Variants in SHPRH observed in about 807,000 individuals in gnomAD.
SHPRH encodes SNF2 histone linker PHD RING helicase.
SHPRH carries 106 observed loss-of-function variants against 202.5 expected under a neutral mutation model. That is an observed-to-expected ratio of 0.52 (90% confidence interval 0.45 to 0.62). The LOEUF is 0.62. Among genes scored for constraint, SHPRH ranks in the 20% least tolerant of loss-of-function variants. The pLI is 0.00. For synonymous variants in SHPRH, 729 were observed against 686.0 expected (o/e 1.06, Z -0.98); for missense variants, 1,710 against 2,020.0 (o/e 0.85, Z 2.94).
At chr6:145,923,818 C>A in intron 17 of SHPRH, 33 bp from the exon 18 acceptor site, 4 of 1,596,020 alleles carry the variant, frequency 2.5e-6, no homozygotes, top group African/African-American at 1.3e-5. Flanking sequence ...TCAATTAATA[C>A]ATTTTTTTTA....
At position 145,922,836 on chromosome 6, in the gene SHPRH, C is replaced by T. The variant is rs1270576171; in HGVS notation, c.3546G>A (p.Lys1182=). The T allele has an allele frequency of 1.2e-6, 2 of 1,607,126 alleles. No individual in the cohort carries two copies. The highest frequency in any genetic ancestry group is 1.7e-6 in the Non-Finnish European group (2 of 1,176,472). ...ACTGAAGACCTCTGCAATCACGGAA[C>T]CTGATTCCCACACCAGCACCACACA... is the stretch of plus-strand genomic sequence containing the variant. The part of the protein sequence containing the change: ...QQTGKLSMSE[K]FRDCRGLQFL... The change falls in exon 19 of 30, where the codon AAG becomes AAA. Residue 1182 remains lysine, a splice_region_variant and synonymous_variant. Transcript: ENST00000275233.
chr6:145,862,388 A>G (rs1779608989), downstream of SHPRH, among the ~76,000 whole-genome samples: 1 of 152,126 alleles, frequency 6.6e-6, no homozygotes, highest in Admixed American at 6.5e-5. Flanking sequence ...CGGGAGGCGG[A>G]GCTTGCAGTG....
rs1394116951 is a variant in SHPRH, at chr6:145,943,386, T to A, written c.1995A>T (p.Glu665Asp). Residue 665 changes from glutamate to aspartate, a missense_variant, in exon 9 of 30, where the codon GAA becomes GAT. Around this residue, in one of 8 missense-constraint regions of SHPRH, gnomAD observed 348 missense variants for 356.9 expected, o/e 0.97. Transcript: ENST00000275233. ...GAGGCTTACGATCTATCTGATCAAG[T>A]TCACCACATATACACTCAAAGCGGT... ...SDYRFECICG[E>D]LDQIDRKPRV... 6.2e-7 allele frequency: 1 copy of A among 1,614,076 alleles called. No individual in the cohort carries two copies. Among genetic ancestry groups the A allele is most frequent in the Non-Finnish European group, 8.5e-7 (1 of 1,179,964 alleles).
intron 2 of SHPRH, among the ~76,000 whole-genome samples, chr6:145,871,757 G>C (rs1461321736): frequency 6.6e-6 from 1 of 152,138 alleles, no homozygotes; most frequent in Non-Finnish European, 1.5e-5. Context: ...TTAGCAAAAA[G>C]AACAAAGGTG....
intron 17 of SHPRH, 116 bp from the exon 18 acceptor site, chr6:145,923,901 A>G (rs1334203175): frequency 4.9e-6 from 5 of 1,027,776 alleles, no homozygotes; most frequent in African/African-American, 3.2e-5. Context: ...CTATTCTCAA[A>G]GGGACTATCA....
intron 2 of SHPRH, among the ~76,000 whole-genome samples, chr6:145,879,271 A>G (rs1780442685): frequency 6.6e-6 from 1 of 151,610 alleles, no homozygotes; most frequent in African/African-American, 2.4e-5. Flanking sequence ...CATTTTAAAA[A>G]AGAAATAGTT....
At chr6:145,927,390 CT>C in intron 14 of SHPRH, 113 bp from the exon 15 acceptor site, 5 of 997,270 alleles carry the variant, frequency 5.0e-6, no homozygotes, top group Non-Finnish European at 7.2e-6. Flanking sequence ...ATGATTATAA[CT>C]TTTTTTAAGT....
At chr6:145,940,265 T>C (rs1184550809) in intron 11 of SHPRH, among the ~76,000 whole-genome samples, 1 of 152,158 alleles carries the variant, frequency 6.6e-6, no homozygotes, top group Non-Finnish European at 1.5e-5. Flanking sequence ...ACTAAAATTA[T>C]GGCCCTAGTA....
chr6:145,925,753 A>G (rs946200256), intron 16 of SHPRH, among the ~76,000 whole-genome samples: 10 of 151,952 alleles, frequency 6.6e-5, no homozygotes, highest in Admixed American at 2.6e-4. Context: ...TCTTTTCAAA[A>G]AGAGGCGACA....
chr6:145,928,415 C>T (rs1785096837), intron 14 of SHPRH, among the ~76,000 whole-genome samples: 1 of 140,400 alleles, frequency 7.1e-6, no homozygotes, highest in South Asian at 2.1e-4. Flanking sequence ...GATGTTCTAG[C>T]TTTTATTTGC....
At chr6:145,895,995 T>A (rs189626335) in intron 25 of SHPRH, among the ~76,000 whole-genome samples, 28 of 152,056 alleles carry the variant, frequency 1.8e-4, no homozygotes, top group African/African-American at 6.5e-4. Context: ...GGGAGCAGAT[T>A]TAACCAAAAA....
In SHPRH at chr6:145,913,538, T is replaced by G. The variant is rs1184965096; in HGVS notation, c.4266A>C (p.Lys1422Asn). The change falls in exon 24 of 30, where the codon AAA (lysine) becomes AAC (asparagine). Residue 1422 changes from lysine (K) to asparagine (N), a missense_variant. Around this residue, in one of 8 missense-constraint regions of SHPRH, gnomAD observed 306 missense variants for 479.5 expected, o/e 0.64. Coordinates refer to ENST00000275233, the MANE Select transcript of SHPRH (RefSeq NM_001042683.3). ...GTTCTGGATTAACACCTCCCGATGT[T>G]TTATCTTGAGACTATCCAAAAAAGA... Reference protein sequence around the residue: ...YLTNLEKSQDKTSGGVNPEPC... With the variant: ...YLTNLEKSQDNTSGGVNPEPC... 3 of 1,608,694 alleles carry G rather than the reference T, an allele frequency of 1.9e-6. No individual in the cohort carries two copies. The highest frequency in any genetic ancestry group is 2.5e-6 in the Non-Finnish European group (3 of 1,177,792).
At chr6:145,938,857 G>A (rs191052043) in intron 11 of SHPRH, among the ~76,000 whole-genome samples, 95 of 152,226 alleles carry the variant, frequency 6.2e-4, no homozygotes, top group African/African-American at 2.1e-3. Context: ...TGTGGCGGGT[G>A]GAAGGAGTTA....
intron 14 of SHPRH, among the ~76,000 whole-genome samples, chr6:145,928,889 C>T (rs6922458): frequency 0.039 from 5,866 of 151,888 alleles, 377 homozygotes; most frequent in African/African-American, 0.13. Context: ...TACTTTATAA[C>T]GTAGGCATTA....
rs990545131 is a variant in SHPRH, at chr6:145,913,692, A to C, written c.4255-143T>G. 4 of 526,744 alleles carry C rather than the reference A, an allele frequency of 7.6e-6. No individual in the cohort carries two copies. The African/African-American group carries it at 8.0e-5, about 11-fold the overall frequency. 32.6% of individuals were successfully genotyped at this position (526,744 alleles called of 1,614,324 possible). On this transcript the variant is annotated intron_variant, in intron 23 of 29. Coordinates refer to ENST00000275233, the MANE Select transcript of SHPRH (RefSeq NM_001042683.3). ...CAATTTAGATGACCCATCGATCTCT[A>C]TATTACCTAACAAGATTATTCCTGA...
chr6:145,923,782 G>T lies in SHPRH; in HGVS notation c.3406C>A (p.His1136Asn). 6.2e-7 allele frequency: 1 copy of T among 1,606,220 alleles called. No homozygotes were observed. Residue 1136 changes from histidine to asparagine, a missense_variant, in exon 18 of 30, where the codon CAT becomes AAT. By Grantham distance (68) the His-to-Asn change is moderately conservative (BLOSUM62 1). This residue lies in a region of SHPRH where 288 missense variants were observed against 317.8 expected (regional missense o/e 0.91). Transcript: ENST00000275233. ...QTIHELQRKIHSNSPWWLNVI... is the reference protein window; with the variant it reads ...QTIHELQRKINSNSPWWLNVI... ...TTTAGCCACCAAGGAGAATTAGAAT[G>T]AATCTGTAAAAAAGGTAGCAGTTAA...
Position 145,885,516 on chromosome 6 carries a change from T to TAAA in SHPRH, c.*1172_*1174dup, listed in dbSNP as rs946687432. 6.6e-6 allele frequency: 1 copy of TAAA among 152,198 alleles called. No homozygotes were observed. The highest frequency in any genetic ancestry group is 2.4e-5 in the African/African-American group (1 of 41,430). 9.4% of individuals were successfully genotyped at this position (152,198 alleles called of 1,614,324 possible). ...GTCCTGAGGGTCAAAGAGGGTCCTTTAAAACTCTGAAGGCTCAAAGAAAAG... is the reference window on the plus strand; with the variant it reads ...GTCCTGAGGGTCAAAGAGGGTCCTTTAAAAAAACTCTGAAGGCTCAAAGAAAAG... On this transcript the variant is annotated 3_prime_UTR_variant, in exon 30 of 30. Coordinates refer to ENST00000275233, the MANE Select transcript of SHPRH (RefSeq NM_001042683.3).
At chr6:145,953,691 T>A (rs1219067191) in intron 2 of SHPRH, among the ~76,000 whole-genome samples, 1 of 152,144 alleles carries the variant, frequency 6.6e-6, no homozygotes, top group Non-Finnish European at 1.5e-5. Context: ...GCATATTAAC[T>A]TGCTTCACAG....
chr6:145,934,838 A>C, intron 13 of SHPRH, 69 bp downstream of exon 13: 6 of 1,448,862 alleles, frequency 4.1e-6, no homozygotes, highest in Non-Finnish European at 5.6e-6. Flanking sequence ...CTCTGAATGA[A>C]ACCGTGGGCC....
Sources: allele counts gnomAD v4.1 joint callset (sites outside exome capture counted in the v4.1 genomes callset), GRCh38; gene constraint gnomAD v4.1.1; regional missense constraint gnomAD v4.1.1; transcripts MANE v1.5; gene names NCBI Gene and HGNC (gene_info 2026-07-23, HGNC 2026-07-21).